RP1: variants seen among roughly 807,000 people sequenced by gnomAD.
The protein encoded by RP1 is RP1 axonemal microtubule associated.
A neutral mutation model predicts 14.8 loss-of-function variants in RP1; 16 were observed. The ratio of observed to expected loss-of-function variants is 1.08; its 90% CI spans 0.73 to 1.65. RP1 has a LOEUF of 1.65. RP1 is among the 40% of genes most tolerant of loss of function. RP1 has a pLI of 0.00. For synonymous variants in RP1, 876 were observed against 883.6 expected, an observed-to-expected ratio of 0.99 and a Z score of 0.15; for missense variants, 2,631 against 2,535.0, an observed-to-expected ratio of 1.04 and a Z score of -0.81.
At chr8:54,775,107 G>T (rs960984031) in intron 23 of RP1, among the ~76,000 whole-genome samples, 5 of 152,060 alleles carry the variant, frequency 3.3e-5, no homozygotes, top group African/African-American at 1.2e-4. Context: ...ATCAACAAAT[G>T]TCTCCAAGGG....
chr8:54,561,523 T>G (rs75101681), intron 1 of RP1, among the ~76,000 whole-genome samples: 1 of 152,160 alleles, frequency 6.6e-6, no homozygotes, highest in Middle Eastern at 3.4e-3. Context: ...TTACCATGGT[T>G]GAAGGATTCC....
chr8:54,837,641 C>T (rs1021640737), exon 25 of RP1: 1 of 1,231,722 alleles, frequency 8.1e-7, no homozygotes, highest in Non-Finnish European at 1.0e-6. Context: ...AAATACCCAT[C>T]ATGGGACCAA....
chr8:54,849,684 A>G (rs1325860258), intron 25 of RP1, among the ~76,000 whole-genome samples: 1 of 152,184 alleles, frequency 6.6e-6, no homozygotes, highest in Non-Finnish European at 1.5e-5. Context: ...AAGATTTTGA[A>G]AGATTTTTGT....
intron 1 of RP1, among the ~76,000 whole-genome samples, chr8:54,574,944 C>T (rs1387212503): frequency 6.6e-6 from 1 of 152,128 alleles, no homozygotes; most frequent in African/African-American, 2.4e-5. Context: ...TCAAGGGATT[C>T]CTCATTAAAG....
At chr8:54,768,984 C>A (rs993517348) in intron 22 of RP1, among the ~76,000 whole-genome samples, 2 of 151,592 alleles carry the variant, frequency 1.3e-5, no homozygotes, top group Non-Finnish European at 2.9e-5. Context: ...GCAAGCTCTG[C>A]CTCCCAGGTT....
At chr8:54,713,438 A>G (rs932226324) in intron 15 of RP1, among the ~76,000 whole-genome samples, 11 of 152,224 alleles carry the variant, frequency 7.2e-5, no homozygotes, top group African/African-American at 2.4e-4. Flanking sequence ...TAGGAAAAAT[A>G]AGCTCAAGTG....
chr8:54,861,831 A>T lies in RP1; in HGVS notation c.4070-4004A>T, dbSNP rs140714524. ...GTTGGCCAGGCTGGTCTCAAACCTG[A>T]CTTCAGGTAATCTACCCGCCTTGGC... On this transcript the variant is annotated intron_variant, in intron 27 of 28. Coordinates refer to the RP1 transcript ENST00000637698. 8.1e-4 allele frequency among the ~76,000 whole-genome samples: 123 copies of T among 152,130 alleles called. 1 individual carries two copies. Among genetic ancestry groups the T allele is most frequent in the Middle Eastern group, 3.4e-3 (1 of 294 alleles).
chr8:54,669,507 C>A (rs749027603), intron 7 of RP1, among the ~76,000 whole-genome samples: 4 of 152,168 alleles, frequency 2.6e-5, no homozygotes, highest in Non-Finnish European at 4.4e-5. Flanking sequence ...TACCACTTGA[C>A]CCAGCGACCC....
chr8:54,635,081 CAAAA>C (rs764704971), downstream of RP1, among the ~76,000 whole-genome samples: 1 of 92,050 alleles, frequency 1.1e-5, no homozygotes. Flanking sequence ...GACTCCATCT[CAAAA>C]AAAAAAAAAA....
intron 1 of RP1, among the ~76,000 whole-genome samples, chr8:54,580,004 A>G (rs999842327): frequency 6.6e-6 from 1 of 152,144 alleles, no homozygotes; most frequent in African/African-American, 2.4e-5. Flanking sequence ...CCAGGTACCA[A>G]CAAACCCTGA....
chr8:54,844,982 C>T (rs1245250673), intron 25 of RP1, among the ~76,000 whole-genome samples: 5 of 152,142 alleles, frequency 3.3e-5, no homozygotes. Flanking sequence ...AGGTCCCCAC[C>T]TCACCCCTCT....
chr8:54,857,802 A>C (rs946848797), intron 27 of RP1, among the ~76,000 whole-genome samples: 3 of 151,892 alleles, frequency 2.0e-5, no homozygotes, highest in Admixed American at 2.0e-4. Flanking sequence ...CTTTCCCTCC[A>C]TGTCTTCTCC....
At chr8:54,693,702 C>G (rs1480456015) in intron 12 of RP1, among the ~76,000 whole-genome samples, 1 of 152,164 alleles carries the variant, frequency 6.6e-6, no homozygotes, top group Non-Finnish European at 1.5e-5. Flanking sequence ...TGTTTATCAG[C>G]TTCAGGAAAT....
At chr8:54,869,810 C>G in intron 28 of RP1, 1 of 943,620 alleles carries the variant, frequency 1.1e-6, no homozygotes, top group Non-Finnish European at 1.4e-6. Flanking sequence ...AATGCTCTCT[C>G]ATATTAATTA....
intron 15 of RP1, among the ~76,000 whole-genome samples, chr8:54,716,576 A>G (rs1808409509): frequency 6.6e-6 from 1 of 152,176 alleles, no homozygotes; most frequent in South Asian, 2.1e-4. Flanking sequence ...TTTGGGCAAC[A>G]TAGGGCTTGA....
chr8:54,839,871 T>A (rs941904545), intron 25 of RP1, among the ~76,000 whole-genome samples: 3 of 152,220 alleles, frequency 2.0e-5, no homozygotes, highest in Non-Finnish European at 4.4e-5. Flanking sequence ...GCTTTATATT[T>A]GTATATATTT....
chr8:54,682,064 T>C (rs970897859), intron 12 of RP1, among the ~76,000 whole-genome samples: 1 of 152,054 alleles, frequency 6.6e-6, no homozygotes, highest in African/African-American at 2.4e-5. Context: ...TACCCAGTAA[T>C]GGGATTGCTG....
At chr8:54,671,464 C>T (rs1243302232) in intron 7 of RP1, among the ~76,000 whole-genome samples, 1 of 152,016 alleles carries the variant, frequency 6.6e-6, no homozygotes, top group Non-Finnish European at 1.5e-5. Context: ...TCCCGTAATG[C>T]ATATGTTGGC....
chr8:54,773,841 T>C (rs1053030670), downstream of RP1, among the ~76,000 whole-genome samples: 1 of 152,190 alleles, frequency 6.6e-6, no homozygotes, highest in Non-Finnish European at 1.5e-5. Flanking sequence ...TTAAAAATTC[T>C]TGGAGCACTT....
Sources: gnomAD v4.1 joint callset for allele counts (sites outside exome capture counted in the v4.1 genomes callset) on GRCh38, gnomAD v4.1.1 for gene constraint, MANE v1.5 for transcripts, NCBI Gene and HGNC (gene_info 2026-07-23, HGNC 2026-07-21) for gene names.